Variants in HECW2 observed in about 807,000 individuals in gnomAD.
The protein encoded by HECW2 is HECT, C2 and WW domain containing E3 ubiquitin protein ligase 2, also known as E3 ubiquitin-protein ligase HECW2.
Under a neutral mutation model 175.2 loss-of-function variants are expected in HECW2, and 61 were observed. The observed-to-expected ratio is 0.35, with a 90% CI of 0.28 to 0.43. The LOEUF (loss-of-function observed/expected upper bound fraction) is 0.43. HECW2 is among the 20% of genes least tolerant of loss of function. The probability of loss-of-function intolerance (pLI) is 1.00; values close to 1 mark genes in which losing one functional copy is unlikely to be tolerated. For synonymous variants in HECW2, 671 were observed against 731.0 expected (o/e 0.92, Z 1.32); for missense variants, 1,524 against 2,000.5 (o/e 0.76, Z 4.54).
At chr2:196,352,282 C>T (rs1341055919) in intron 2 of HECW2, among the ~76,000 whole-genome samples, 5 of 152,026 alleles carry the variant, frequency 3.3e-5, no homozygotes, top group Non-Finnish European at 7.4e-5. Context: ...TTGAATGGCA[C>T]CAGAATGATT....
chr2:196,527,012 G>C (rs371632495), intron 1 of HECW2, among the ~76,000 whole-genome samples: 14 of 152,190 alleles, frequency 9.2e-5, no homozygotes, highest in East Asian at 7.7e-4. Context: ...CCACCCAGTT[G>C]GAGCTTCCCG....
At chr2:196,304,307 C>G (rs574061469) in intron 13 of HECW2, among the ~76,000 whole-genome samples, 85 of 152,166 alleles carry the variant, frequency 5.6e-4, no homozygotes, top group African/African-American at 2.0e-3. Context: ...CTTGGAAAGG[C>G]CTTCCTGTCC....
chr2:196,483,142 C>T lies in HECW2; in HGVS notation c.-35-49684G>A, dbSNP rs547304396. ...ACCCTCATTTATCGTGTTTCCAACCCTGGTGGTAGCCTCCAAATACTGACA... is the reference window on the plus strand; with the variant it reads ...ACCCTCATTTATCGTGTTTCCAACCTTGGTGGTAGCCTCCAAATACTGACA... On this transcript the variant is annotated intron_variant, in intron 1 of 28. Coordinates refer to ENST00000644978, the MANE Select transcript of HECW2 (RefSeq NM_001348768.2). Among the ~76,000 whole-genome samples, 5 of 149,302 alleles carry T rather than the reference C, an allele frequency of 3.3e-5. No individual in the cohort carries two copies. The East Asian group carries it at 9.7e-4, about 29-fold the overall frequency.
At chr2:196,382,878 T>C (rs1694247215) in intron 2 of HECW2, among the ~76,000 whole-genome samples, 3 of 152,178 alleles carry the variant, frequency 2.0e-5, no homozygotes, top group Admixed American at 2.0e-4. Context: ...GGACCACAAG[T>C]AGCTTTCATT....
At chr2:196,490,751 T>A (rs1687157732) in intron 1 of HECW2, among the ~76,000 whole-genome samples, 1 of 152,098 alleles carries the variant, frequency 6.6e-6, no homozygotes, top group Non-Finnish European at 1.5e-5. Context: ...GGTTTGTCCA[T>A]AAAATGGAAT....
At chr2:196,307,878 A>G in intron 11 of HECW2, 57 bp downstream of exon 11, 1 of 1,419,346 alleles carries the variant, frequency 7.0e-7, no homozygotes, top group South Asian at 1.7e-5. Flanking sequence ...CTTTGTGCCA[A>G]GTAAAAATTA....
rs1466019414 is a variant in HECW2, at chr2:196,575,806, G to A, written c.-36+17702C>T. 3.3e-5 allele frequency among the ~76,000 whole-genome samples: 5 copies of A among 152,162 alleles called. No homozygotes were observed. The East Asian group carries it at 9.6e-4, about 29-fold the overall frequency. ...CATGGTGGGAGGCTAAGCAGGAGCA[G>A]GCGTGTCACATGGCAAGAGGAAGCA... On this transcript the variant is annotated intron_variant, in intron 1 of 28. Coordinates refer to ENST00000644978, the MANE Select transcript of HECW2 (RefSeq NM_001348768.2).
At chr2:196,354,014 T>C (rs940827942) in intron 2 of HECW2, among the ~76,000 whole-genome samples, 10 of 152,146 alleles carry the variant, frequency 6.6e-5, no homozygotes, top group African/African-American at 1.9e-4. Flanking sequence ...GGGCAAGAAC[T>C]CAGGACCCAC....
At chr2:196,386,035 G>A (rs371254331) in intron 2 of HECW2, among the ~76,000 whole-genome samples, 6 of 152,086 alleles carry the variant, frequency 3.9e-5, no homozygotes, top group African/African-American at 7.3e-5. Flanking sequence ...AGAAACTTAG[G>A]CTATAACTTC....
chr2:196,431,666 C>T (rs960754063), intron 2 of HECW2, among the ~76,000 whole-genome samples: 2 of 152,088 alleles, frequency 1.3e-5, no homozygotes, highest in African/African-American at 4.8e-5. Context: ...AAAACTAAGA[C>T]TTTTTGTGAA....
At chr2:196,221,200 C>T (rs1432466552) in intron 24 of HECW2, among the ~76,000 whole-genome samples, 3 of 152,158 alleles carry the variant, frequency 2.0e-5, no homozygotes, top group African/African-American at 7.2e-5. Flanking sequence ...TTTTAAAATG[C>T]CGATGAATCG....
chr2:196,590,384 G>T (rs777247792), intron 1 of HECW2, among the ~76,000 whole-genome samples: 5 of 152,150 alleles, frequency 3.3e-5, no homozygotes, highest in African/African-American at 4.8e-5. Flanking sequence ...TTCAGGCCAG[G>T]CCTGGCTTTT....
chr2:196,243,001 TTC>T (rs1688516245), intron 19 of HECW2, among the ~76,000 whole-genome samples: 1 of 151,920 alleles, frequency 6.6e-6, no homozygotes, highest in African/African-American at 2.4e-5. Flanking sequence ...CCTACAAAAC[TTC>T]TTTTAGATAT....
intron 5 of HECW2, among the ~76,000 whole-genome samples, chr2:196,327,191 G>A (rs778763407): frequency 1.3e-5 from 2 of 152,166 alleles, no homozygotes; most frequent in Non-Finnish European, 2.9e-5. Flanking sequence ...TGAACAAAAA[G>A]CATTCCACCA....
intron 1 of HECW2, among the ~76,000 whole-genome samples, chr2:196,471,912 C>T (rs901546479): frequency 6.6e-6 from 1 of 151,560 alleles, no homozygotes; most frequent in Non-Finnish European, 1.5e-5. Flanking sequence ...CACCAAACCC[C>T]CATGGCACAC....
chr2:196,346,893 A>C (rs1183334460), intron 2 of HECW2, among the ~76,000 whole-genome samples: 1 of 149,708 alleles, frequency 6.7e-6, no homozygotes, highest in Non-Finnish European at 1.5e-5. Context: ...CTGTAATCCC[A>C]GCTACTCGGG....
At chr2:196,517,498 A>T (rs1688192853) in intron 1 of HECW2, among the ~76,000 whole-genome samples, 1 of 151,324 alleles carries the variant, frequency 6.6e-6, no homozygotes, top group South Asian at 2.2e-4. Context: ...TAATGATAAG[A>T]TGGCTTTAAT....
chr2:196,526,616 CT>C (rs1688659606), intron 1 of HECW2, among the ~76,000 whole-genome samples: 1 of 139,372 alleles, frequency 7.2e-6, no homozygotes, highest in Non-Finnish European at 1.5e-5. Context: ...GTTTTATCTA[CT>C]TTTGGTCTTT....
chr2:196,555,565 AT>A (rs141341103), intron 1 of HECW2, among the ~76,000 whole-genome samples: 12,375 of 152,218 alleles, frequency 0.081, 651 homozygotes, highest in South Asian at 0.15. Flanking sequence ...GATATATAAA[AT>A]TTTACTTTAT....
Sources: allele counts gnomAD v4.1 joint callset (sites outside exome capture counted in the v4.1 genomes callset), GRCh38; gene constraint gnomAD v4.1.1; transcripts MANE v1.5; gene names NCBI Gene and HGNC (gene_info 2026-07-23, HGNC 2026-07-21).